Variants in HECW2 observed in about 807,000 individuals in gnomAD.
HECW2 encodes the protein E3 ubiquitin-protein ligase HECW2.
In HECW2, 61 loss-of-function variants were observed where a neutral mutation model predicts 175.2. The observed-to-expected ratio is 0.35, with a 90% CI of 0.28 to 0.43. HECW2 has a LOEUF of 0.43. Ranked by LOEUF, HECW2 falls within the 20% of genes least tolerant of loss-of-function variation. The probability of loss-of-function intolerance (pLI) is 1.00; values close to 1 mark genes in which losing one functional copy is unlikely to be tolerated. For missense variants in HECW2, 1,524 were observed against 2,000.5 expected, an observed-to-expected ratio of 0.76 and a Z score of 4.54; for synonymous variants, 671 against 731.0, an observed-to-expected ratio of 0.92 and a Z score of 1.32.
intron 1 of HECW2, among the ~76,000 whole-genome samples, chr2:196,476,351 T>C (rs558693091): frequency 1.3e-5 from 2 of 150,042 alleles, no homozygotes; most frequent in East Asian, 2.0e-4. Context: ...GCTGAGGCAC[T>C]AGAATCACTT....
At chr2:196,216,390 T>C (rs1305160822) in intron 27 of HECW2, among the ~76,000 whole-genome samples, 3 of 151,986 alleles carry the variant, frequency 2.0e-5, no homozygotes, top group Non-Finnish European at 4.4e-5. Flanking sequence ...CCCAGACCCT[T>C]AATCCAAAGG....
chr2:196,223,220 G>A (rs927828611), intron 23 of HECW2, among the ~76,000 whole-genome samples: 4 of 152,162 alleles, frequency 2.6e-5, no homozygotes, highest in East Asian at 1.9e-4. Flanking sequence ...AAAGCGATAA[G>A]TGATAACATA....
chr2:196,535,583 G>A lies in HECW2; in HGVS notation c.-36+57925C>T, dbSNP rs113385545. 3.0e-3 allele frequency among the ~76,000 whole-genome samples: 449 copies of A among 152,154 alleles called. 1 individual carries two copies. The highest frequency in any genetic ancestry group is 0.01 in the African/African-American group (424 of 41,510). On this transcript the variant is annotated intron_variant, in intron 1 of 28. Transcript: ENST00000644978. The stretch of plus-strand genomic sequence containing the variant: ...AATGCTGCATCAAAATCCCTTATCC[G>A]CTTACCACATACCTTTCTGGGTCTA...
intron 1 of HECW2, among the ~76,000 whole-genome samples, chr2:196,458,343 T>C (rs562165983): frequency 2.2e-4 from 33 of 152,098 alleles, no homozygotes; most frequent in Non-Finnish European, 2.8e-4. Context: ...TATTAAATTC[T>C]ACACCTGAAA....
chr2:196,516,370 T>C (rs1688147483), intron 1 of HECW2, among the ~76,000 whole-genome samples: 1 of 151,806 alleles, frequency 6.6e-6, no homozygotes, highest in African/African-American at 2.4e-5. Context: ...AAGTTACAAA[T>C]GTAATACTAA....
chr2:196,308,755 T>C (rs1386671754), intron 10 of HECW2, among the ~76,000 whole-genome samples: 2 of 152,228 alleles, frequency 1.3e-5, no homozygotes, highest in African/African-American at 4.8e-5. Context: ...TAGAGAGATA[T>C]ACAAGTGAAT....
intron 2 of HECW2, among the ~76,000 whole-genome samples, chr2:196,358,833 T>C (rs1187253256): frequency 6.6e-6 from 1 of 152,202 alleles, no homozygotes; most frequent in African/African-American, 2.4e-5. Context: ...ACAGGCAGCA[T>C]GGGTGAAGTC....
intron 18 of HECW2, among the ~76,000 whole-genome samples, chr2:196,257,128 A>G (rs995278488): frequency 2.0e-5 from 3 of 152,206 alleles, no homozygotes; most frequent in African/African-American, 7.2e-5. Flanking sequence ...GAGCGTCCCA[A>G]CCACTGGGTA....
intron 2 of HECW2, among the ~76,000 whole-genome samples, chr2:196,351,827 G>C (rs558146359): frequency 6.6e-6 from 1 of 152,298 alleles, no homozygotes; most frequent in African/African-American, 2.4e-5. Context: ...TGGGATTGGA[G>C]AGCAATACTA....
intron 2 of HECW2, among the ~76,000 whole-genome samples, chr2:196,387,772 A>G (rs1694391459): frequency 6.6e-6 from 1 of 152,186 alleles, no homozygotes; most frequent in Non-Finnish European, 1.5e-5. Context: ...TAGAAAAGAG[A>G]CCACTGGGGT....
chr2:196,501,344 C>T (rs1024612302), intron 1 of HECW2, among the ~76,000 whole-genome samples: 13 of 152,078 alleles, frequency 8.5e-5, no homozygotes, highest in Non-Finnish European at 1.8e-4. Flanking sequence ...AGCACAGTGG[C>T]GTGATCTCAG....
At chr2:196,576,762 T>G (rs1690576197) in intron 1 of HECW2, among the ~76,000 whole-genome samples, 1 of 152,216 alleles carries the variant, frequency 6.6e-6, no homozygotes, top group African/African-American at 2.4e-5. Flanking sequence ...ACAAGCATTG[T>G]GGTGATCATT....
At chr2:196,359,143 C>A (rs1474641834) in intron 2 of HECW2, among the ~76,000 whole-genome samples, 1 of 152,110 alleles carries the variant, frequency 6.6e-6, no homozygotes, top group Non-Finnish European at 1.5e-5. Context: ...TTTCTTTCCT[C>A]TAATTATTTA....
At chr2:196,248,832 C>G (rs1025384227) in intron 19 of HECW2, among the ~76,000 whole-genome samples, 2 of 152,124 alleles carry the variant, frequency 1.3e-5, no homozygotes, top group Non-Finnish European at 2.9e-5. Context: ...CACAACCCAT[C>G]CCCTCAAGAC....
chr2:196,249,096 C>T (rs1688763728), intron 19 of HECW2, among the ~76,000 whole-genome samples: 1 of 152,124 alleles, frequency 6.6e-6, no homozygotes, highest in African/African-American at 2.4e-5. Context: ...CAAACAAATT[C>T]TCATACAGTT....
intron 2 of HECW2, among the ~76,000 whole-genome samples, chr2:196,391,652 G>A (rs1694513962): frequency 6.6e-6 from 1 of 152,110 alleles, no homozygotes; most frequent in African/African-American, 2.4e-5. Context: ...AAGGAGGTAT[G>A]GGTTTTAGTC....
At chr2:196,332,931 A>G (rs1692421151) in intron 4 of HECW2, among the ~76,000 whole-genome samples, 1 of 152,194 alleles carries the variant, frequency 6.6e-6, no homozygotes, top group South Asian at 2.1e-4. Context: ...TATGTTCTAC[A>G]CTATGTTTAC....
intron 1 of HECW2, among the ~76,000 whole-genome samples, chr2:196,489,561 T>C (rs1687118283): frequency 6.6e-6 from 1 of 152,054 alleles, no homozygotes; most frequent in Non-Finnish European, 1.5e-5. Flanking sequence ...ACTAAAAAAT[T>C]CCAAAGAAAA....
At chr2:196,438,899 C>G (rs1440935119) in intron 1 of HECW2, among the ~76,000 whole-genome samples, 2 of 152,182 alleles carry the variant, frequency 1.3e-5, no homozygotes, top group East Asian at 3.8e-4. Context: ...AAAAGCAGAA[C>G]AGTGTCCCAG....
Sources: allele counts gnomAD v4.1 joint callset (sites outside exome capture counted in the v4.1 genomes callset), GRCh38; gene constraint gnomAD v4.1.1; transcripts MANE v1.5; gene names NCBI Gene and HGNC (gene_info 2026-07-23, HGNC 2026-07-21).